POU2F1: variants seen among roughly 807,000 people sequenced by gnomAD.
POU2F1 encodes POU domain, class 2, transcription factor 1.
POU2F1 carries 16 observed loss-of-function variants against 84.9 expected under a neutral mutation model. The observed-to-expected ratio is 0.19, with a 90% CI of 0.13 to 0.29. The LOEUF (loss-of-function observed/expected upper bound fraction) is 0.29. Ranked by LOEUF, POU2F1 falls within the 10% of genes least tolerant of loss-of-function variation. POU2F1 has a pLI of 1.00. For synonymous variants in POU2F1, 368 were observed against 368.3 expected (o/e 1.00, Z 0.01); for missense variants, 738 against 942.6 (o/e 0.78, Z 2.84).
chr1:167,401,063 T>G (rs952869808), intron 12 of POU2F1, among the ~76,000 whole-genome samples: 1 of 152,208 alleles, frequency 6.6e-6, no homozygotes, highest in Non-Finnish European at 1.5e-5. Context: ...CACATTATTT[T>G]CATAATTTTA....
chr1:167,252,495 C>T (rs975733243), intron 1 of POU2F1, among the ~76,000 whole-genome samples: 2 of 152,186 alleles, frequency 1.3e-5, no homozygotes, highest in Non-Finnish European at 1.5e-5. Context: ...TGAGCCACCG[C>T]GCCCGGCCTG....
chr1:167,350,647 C>G (rs1658489980), intron 2 of POU2F1, among the ~76,000 whole-genome samples: 1 of 146,408 alleles, frequency 6.8e-6, no homozygotes, highest in African/African-American at 2.6e-5. Flanking sequence ...GCACTTCAGC[C>G]TGGGCGACAG....
intron 2 of POU2F1, among the ~76,000 whole-genome samples, chr1:167,360,664 T>C (rs548916503): frequency 5.3e-5 from 8 of 152,326 alleles, no homozygotes; most frequent in African/African-American, 1.7e-4. Flanking sequence ...AGGATTGCCT[T>C]GGCTATTCAG....
intron 1 of POU2F1, among the ~76,000 whole-genome samples, chr1:167,233,762 A>G (rs1019653674): frequency 1.3e-5 from 2 of 152,238 alleles, no homozygotes; most frequent in Non-Finnish European, 1.5e-5. Flanking sequence ...AGAGCCAAAG[A>G]TGATTTTCAT....
At position 167,332,554 on chromosome 1, in the gene POU2F1, A is replaced by G; in HGVS notation, c.127+19A>G. The G allele has an allele frequency of 6.4e-7, 1 of 1,569,842 alleles. No homozygotes were observed. Among genetic ancestry groups the G allele is most frequent in the Non-Finnish European group, 8.8e-7 (1 of 1,140,306 alleles). Reference sequence around the variant, plus strand: ...AACACAGGTAAGAGTTTTCTGATCTAGCTTTTTAATTAACTCTAGTAGAGC... The same window carrying G: ...AACACAGGTAAGAGTTTTCTGATCTGGCTTTTTAATTAACTCTAGTAGAGC... On this transcript the variant is annotated intron_variant, in intron 2 of 15. Coordinates refer to ENST00000367866, the MANE Select transcript of POU2F1 (RefSeq NM_002697.4).
At chr1:167,294,297 C>T (rs552099551) in intron 1 of POU2F1, among the ~76,000 whole-genome samples, 19 of 151,722 alleles carry the variant, frequency 1.3e-4, no homozygotes, top group Non-Finnish European at 2.4e-4. Flanking sequence ...TGCAGTGAGC[C>T]GACATCATGC....
intron 1 of POU2F1, among the ~76,000 whole-genome samples, chr1:167,221,458 TGGAGGCGGCGGCGAGCACAATGCCGG>T (rs1425634134): frequency 3.9e-4 from 56 of 145,028 alleles, no homozygotes; most frequent in African/African-American, 1.4e-3. Flanking sequence ...TGAAGGGGGA[TGGAGGCGGCGGCGAGCACAATGCCGG>T]GGAGGCGGCG....
Position 167,370,184 on chromosome 1 carries a change from A to C in POU2F1, c.252A>C (p.Leu84Phe). The change falls in exon 4 of 16, where the codon TTA becomes TTC. Residue 84 changes from leucine (L) to phenylalanine (F), a missense_variant. By Grantham distance (22) the Leu-to-Phe change is conservative. Transcript: ENST00000367866. ...LHQVQLAGTS[L>F]QAAAQSLNVQ... is the part of the protein sequence containing the mutation. The stretch of plus-strand genomic sequence containing the variant: ...AGGTCCAACTCGCTGGAACAAGTTT[A>C]CAGGCTGCTGCTCAGTCTTTAAATG... 6.2e-7 allele frequency: 1 copy of C among 1,607,834 alleles called. No individual in the cohort carries two copies. The highest frequency in any genetic ancestry group is 8.5e-7 in the Non-Finnish European group (1 of 1,175,620).
rs1650381251 is a variant in POU2F1, at chr1:167,417,381, T to C, written c.*1571T>C. 1 of 152,236 alleles carries C rather than the reference T, an allele frequency of 6.6e-6. No homozygotes were observed. The highest frequency in any genetic ancestry group is 1.5e-5 in the Non-Finnish European group (1 of 68,038). The allele number at this position is 152,236 out of a possible 1,614,324, so 9.4% of individuals were successfully genotyped here. A position where few individuals can be genotyped will look rare whatever the true frequency, so the allele number is the denominator to read the frequency against. On this transcript the variant is annotated 3_prime_UTR_variant, in exon 16 of 16. Coordinates refer to ENST00000367866, the MANE Select transcript of POU2F1 (RefSeq NM_002697.4). The stretch of plus-strand genomic sequence containing the variant: ...ACATCTCTTTATTCAATGTAGAAAG[T>C]AATTAGCTCTGTAATTATTTTCAGG...
intron 2 of POU2F1, chr1:167,357,368 ACCCCCCC>A (rs1557922195): frequency 1.1e-4 from 3 of 27,836 alleles, no homozygotes; most frequent in African/African-American, 3.3e-4. Flanking sequence ...CTCCCCCCCC[ACCCCCCC>A]CCCACCCCCC....
chr1:167,366,505 ATTC>A (rs1659693895), intron 3 of POU2F1, among the ~76,000 whole-genome samples: 1 of 152,174 alleles, frequency 6.6e-6, no homozygotes, highest in South Asian at 2.1e-4. Context: ...TATAAAAGAA[ATTC>A]TTCTACTTGA....
At chr1:167,300,654 G>A (rs1654624519) in intron 1 of POU2F1, among the ~76,000 whole-genome samples, 2 of 152,056 alleles carry the variant, frequency 1.3e-5, no homozygotes, top group African/African-American at 2.4e-5. Flanking sequence ...TAGTGGAGAC[G>A]AGTTTTCACC....
intron 1 of POU2F1, among the ~76,000 whole-genome samples, chr1:167,235,931 C>A (rs961189300): frequency 5.3e-5 from 8 of 152,184 alleles, no homozygotes; most frequent in African/African-American, 1.7e-4. Flanking sequence ...AATATACACA[C>A]TTAAAAATTT....
chr1:167,235,369 CTTATG>C (rs1383401590), intron 1 of POU2F1, among the ~76,000 whole-genome samples: 4 of 152,106 alleles, frequency 2.6e-5, no homozygotes, highest in African/African-American at 7.2e-5. Context: ...TGAAAATGCT[CTTATG>C]TTATGAGAGA....
intron 2 of POU2F1, among the ~76,000 whole-genome samples, chr1:167,338,801 T>G (rs963161199): frequency 1.3e-5 from 2 of 152,370 alleles, no homozygotes; most frequent in East Asian, 3.9e-4. Flanking sequence ...ACATTTTGTT[T>G]ATGCATTCAT....
intron 2 of POU2F1, among the ~76,000 whole-genome samples, chr1:167,345,647 T>G (rs962025674): frequency 1.3e-5 from 2 of 152,194 alleles, no homozygotes; most frequent in Non-Finnish European, 2.9e-5. Flanking sequence ...AGGGAGCCTC[T>G]GACTAGGTTG....
intron 2 of POU2F1, among the ~76,000 whole-genome samples, chr1:167,345,189 G>A (rs1329386273): frequency 6.6e-6 from 1 of 152,156 alleles, no homozygotes; most frequent in East Asian, 1.9e-4. Flanking sequence ...AAATAAGAAA[G>A]AACAGATGAG....
intron 2 of POU2F1, among the ~76,000 whole-genome samples, chr1:167,353,450 C>G (rs1289326433): frequency 2.6e-5 from 4 of 151,496 alleles, no homozygotes; most frequent in Non-Finnish European, 5.9e-5. Flanking sequence ...TCTGCCCTAT[C>G]TTTCAACCGC....
At chr1:167,368,180 C>T (rs1489262147) in intron 3 of POU2F1, among the ~76,000 whole-genome samples, 1 of 152,176 alleles carries the variant, frequency 6.6e-6, no homozygotes, top group African/African-American at 2.4e-5. Flanking sequence ...AACAATTCCT[C>T]AGCATGTCTT....
Sources: gnomAD v4.1 joint callset for allele counts (sites outside exome capture counted in the v4.1 genomes callset) on GRCh38, gnomAD v4.1.1 for gene constraint, MANE v1.5 for transcripts, NCBI Gene and HGNC (gene_info 2026-07-23, HGNC 2026-07-21) for gene names.